MACROD2: variants seen among roughly 807,000 people sequenced by gnomAD.
MACROD2 encodes mono-ADP ribosylhydrolase 2.
A neutral mutation model predicts 70.4 loss-of-function variants in MACROD2; 36 were observed. The ratio of observed to expected loss-of-function variants is 0.51; its 90% CI spans 0.39 to 0.68. The LOEUF (loss-of-function observed/expected upper bound fraction) is 0.68. Among genes scored for constraint, MACROD2 ranks in the 30% least tolerant of loss-of-function variants. MACROD2 has a pLI of 0.00. For synonymous variants in MACROD2, 172 were observed against 178.8 expected, an observed-to-expected ratio of 0.96 and a Z score of 0.30; for missense variants, 496 against 538.4, an observed-to-expected ratio of 0.92 and a Z score of 0.78.
intron 3 of MACROD2, among the ~76,000 whole-genome samples, chr20:14,273,301 A>G (rs2082215511): frequency 6.6e-6 from 1 of 152,052 alleles, no homozygotes; most frequent in South Asian, 2.1e-4. Flanking sequence ...TGTCTCTCAG[A>G]CCACAGTGCA....
chr20:14,048,453 T>G (rs920310408), intron 2 of MACROD2, among the ~76,000 whole-genome samples: 4 of 151,998 alleles, frequency 2.6e-5, no homozygotes, highest in Non-Finnish European at 5.9e-5. Flanking sequence ...AAAAATGAGT[T>G]TCAAGCTTTA....
In MACROD2 at chr20:14,176,284, A is replaced by G. The variant is rs114088203; in HGVS notation, c.271+90556A>G. Among the ~76,000 whole-genome samples, 387 of 152,320 alleles carry G rather than the reference A, an allele frequency of 2.5e-3. 3 individuals are homozygous for G. The highest frequency in any genetic ancestry group is 8.8e-3 in the African/African-American group (367 of 41,574). On this transcript the variant is annotated intron_variant, in intron 3 of 17. Transcript: ENST00000684519. ...TCTGCAAGTCTTCAAAATAATTAAA[A>G]TTCATAAAACACATGTAACAGATGG...
chr20:14,606,754 C>A (rs1018537420), intron 4 of MACROD2, among the ~76,000 whole-genome samples: 1 of 152,026 alleles, frequency 6.6e-6, no homozygotes, highest in East Asian at 1.9e-4. Flanking sequence ...TTTTGCTTTT[C>A]TTTTTTAGCA....
intron 3 of MACROD2, among the ~76,000 whole-genome samples, chr20:14,350,902 A>G (rs1343201591): frequency 1.3e-5 from 2 of 152,144 alleles, no homozygotes; most frequent in Non-Finnish European, 2.9e-5. Flanking sequence ...TCAATCTTCA[A>G]TCCATTTCGA....
chr20:15,879,908 A>G (rs1164472511), intron 9 of MACROD2, among the ~76,000 whole-genome samples: 1 of 152,060 alleles, frequency 6.6e-6, no homozygotes, highest in East Asian at 1.9e-4. Flanking sequence ...CCCAAGAAGA[A>G]TTAATGTTTC....
intron 4 of MACROD2, among the ~76,000 whole-genome samples, chr20:14,678,889 C>T (rs1305170757): frequency 6.6e-6 from 1 of 151,962 alleles, no homozygotes; most frequent in Admixed American, 6.6e-5. Context: ...GTGTATTTGA[C>T]TTTACTTTTT....
At chr20:15,694,150 G>A in intron 8 of MACROD2, among the ~76,000 whole-genome samples, 1 of 152,126 alleles carries the variant, frequency 6.6e-6, no homozygotes, top group Non-Finnish European at 1.5e-5. Flanking sequence ...CGGTTTTGCT[G>A]TTGTGAATTG....
intron 2 of MACROD2, among the ~76,000 whole-genome samples, chr20:14,035,327 TATG>T (rs2053294288): frequency 6.6e-6 from 1 of 152,208 alleles, no homozygotes; most frequent in African/African-American, 2.4e-5. Flanking sequence ...TATTAATTAA[TATG>T]ATAGTAATTT....
intron 8 of MACROD2, among the ~76,000 whole-genome samples, chr20:15,526,457 A>G (rs935282756): frequency 6.6e-6 from 1 of 152,202 alleles, no homozygotes; most frequent in Non-Finnish European, 1.5e-5. Flanking sequence ...AAATTGACCC[A>G]AAGATGTGAA....
chr20:14,656,655 G>A (rs1051753177), intron 4 of MACROD2, among the ~76,000 whole-genome samples: 6 of 152,062 alleles, frequency 3.9e-5, no homozygotes, highest in African/African-American at 9.7e-5. Flanking sequence ...TGACTAAAAC[G>A]CGTGTCTCCG....
chr20:14,470,502 G>T (rs2327850), intron 3 of MACROD2, among the ~76,000 whole-genome samples: 2 of 152,178 alleles, frequency 1.3e-5, no homozygotes, highest in African/African-American at 4.8e-5. Flanking sequence ...AGTAACGTTT[G>T]TCTGCTGAAG....
intron 3 of MACROD2, among the ~76,000 whole-genome samples, chr20:14,277,415 C>T (rs915618362): frequency 6.6e-6 from 1 of 152,172 alleles, no homozygotes; most frequent in African/African-American, 2.4e-5. Context: ...TGCACTCCAG[C>T]GTGGTGACAG....
chr20:15,663,232 A>ATTTTT (rs34234600), intron 8 of MACROD2, among the ~76,000 whole-genome samples: 3 of 129,836 alleles, frequency 2.3e-5, no homozygotes, highest in African/African-American at 2.9e-5. Context: ...TCAGAATTTG[A>ATTTTT]TTTTTTTTTT....
At chr20:15,228,153 A>T (rs1307577694) in intron 5 of MACROD2, among the ~76,000 whole-genome samples, 1 of 152,146 alleles carries the variant, frequency 6.6e-6, no homozygotes, top group Non-Finnish European at 1.5e-5. Context: ...CTTGCTTGTT[A>T]CTTTTATTAC....
intron 3 of MACROD2, among the ~76,000 whole-genome samples, chr20:14,320,901 T>A (rs1202802006): frequency 6.6e-6 from 1 of 152,168 alleles, no homozygotes; most frequent in Admixed American, 6.5e-5. Context: ...TTAAATTCCT[T>A]CTTACCCTTC....
At chr20:15,340,130 CTT>C (rs869080087) in intron 6 of MACROD2, among the ~76,000 whole-genome samples, 1 of 39,288 alleles carries the variant, frequency 2.5e-5, no homozygotes, top group African/African-American at 1.1e-4. Context: ...TTCTTTCTTT[CTT>C]TTTTTTTTTT....
intron 8 of MACROD2, among the ~76,000 whole-genome samples, chr20:15,639,669 T>C (rs1234222206): frequency 1.3e-5 from 2 of 152,164 alleles, no homozygotes; most frequent in African/African-American, 2.4e-5. Context: ...TCACCAATGA[T>C]GGGTATCTCT....
intron 5 of MACROD2, among the ~76,000 whole-genome samples, chr20:14,944,467 A>G (rs561647043): frequency 1.3e-4 from 20 of 152,296 alleles, no homozygotes; most frequent in East Asian, 5.8e-4. Flanking sequence ...ATTATCCCCA[A>G]TGATAACTTT....
chr20:16,022,047 CTTTTTTTTTT>C (rs543662575), intron 15 of MACROD2, among the ~76,000 whole-genome samples: 1 of 108,958 alleles, frequency 9.2e-6, no homozygotes, highest in Non-Finnish European at 1.8e-5. Flanking sequence ...GTTTCAGTTT[CTTTTTTTTTT>C]TTTTTTTTTT....
Sources: allele counts gnomAD v4.1 joint callset (sites outside exome capture counted in the v4.1 genomes callset), GRCh38; gene constraint gnomAD v4.1.1; transcripts MANE v1.5; gene names NCBI Gene and HGNC (gene_info 2026-07-23, HGNC 2026-07-21).